MTHFD1L: variants seen among roughly 807,000 people sequenced by gnomAD.
MTHFD1L encodes methylenetetrahydrofolate dehydrogenase (NADP+ dependent) 1 like.
In MTHFD1L, 81 loss-of-function variants were observed where a neutral mutation model predicts 119.5. The ratio of observed to expected loss-of-function variants is 0.68; its 90% CI spans 0.57 to 0.82. The LOEUF (loss-of-function observed/expected upper bound fraction) is 0.82. Ranked by LOEUF, MTHFD1L falls within the 40% of genes least tolerant of loss-of-function variation. The pLI, the probability that MTHFD1L is intolerant of heterozygous loss-of-function variation, is 0.00. For missense variants in MTHFD1L, 1,125 were observed against 1,253.4 expected (o/e 0.90, Z 1.55); for synonymous variants, 430 against 475.2 (o/e 0.90, Z 1.24).
At chr6:151,051,928 T>C (rs1417776684) in intron 26 of MTHFD1L, among the ~76,000 whole-genome samples, 2 of 151,826 alleles carry the variant, frequency 1.3e-5, no homozygotes, top group African/African-American at 4.8e-5. Context: ...CCTGGAGAGG[T>C]CTGTGCGTGA....
chr6:150,956,058 G>A lies in MTHFD1L; in HGVS notation c.1790G>A (p.Gly597Asp), dbSNP rs1795595321. ...ITIGQGNTEK[G>D]HYRQAQFDIA... ...ATCGGGCAGGGAAACACAGAGAAGG[G>A]CCATTACCGGCAGGTAGGTGGTGCT... is the stretch of plus-strand genomic sequence containing the variant. The change falls in exon 17 of 28, where the codon GGC (glycine) becomes GAC (aspartate). Residue 597 changes from glycine (G) to aspartate (D), a missense_variant. Physicochemically the swap from Gly to Asp is moderately conservative, Grantham distance 94 (BLOSUM62 -1). This residue lies in a region of MTHFD1L where 1,058 missense variants were observed against 1,151.2 expected (regional missense o/e 0.92). Coordinates refer to ENST00000367321, the MANE Select transcript of MTHFD1L (RefSeq NM_015440.5). The A allele has an allele frequency of 2.5e-6, 4 of 1,613,978 alleles. No homozygotes were observed. Among genetic ancestry groups the A allele is most frequent in the Non-Finnish European group, 3.4e-6 (4 of 1,179,838 alleles).
intron 20 of MTHFD1L, among the ~76,000 whole-genome samples, chr6:150,986,572 C>T (rs1449768680): frequency 6.6e-6 from 1 of 152,188 alleles, no homozygotes; most frequent in Non-Finnish European, 1.5e-5. Context: ...ATTCACACTC[C>T]TATGAGAATC....
intron 16 of MTHFD1L, among the ~76,000 whole-genome samples, chr6:150,954,140 A>G (rs966878403): frequency 6.6e-6 from 1 of 152,240 alleles, no homozygotes; most frequent in Non-Finnish European, 1.5e-5. Context: ...TATGAAAGAA[A>G]AGGTTAACTT....
intron 26 of MTHFD1L, among the ~76,000 whole-genome samples, chr6:151,089,808 T>A (rs1794212690): frequency 6.6e-6 from 1 of 152,214 alleles, no homozygotes; most frequent in Non-Finnish European, 1.5e-5. Flanking sequence ...TTGTATGCAC[T>A]CACTGTAGTA....
intron 8 of MTHFD1L, among the ~76,000 whole-genome samples, chr6:150,909,574 G>T (rs111501085): frequency 5.3e-5 from 8 of 152,180 alleles, no homozygotes; most frequent in African/African-American, 1.9e-4. Context: ...AAAAAACTAC[G>T]CACTGCTCTT....
intron 16 of MTHFD1L, among the ~76,000 whole-genome samples, chr6:150,949,369 A>G (rs1438409835): frequency 2.0e-5 from 3 of 151,978 alleles, no homozygotes; most frequent in Non-Finnish European, 4.4e-5. Flanking sequence ...TGTGTCTTCT[A>G]AATTTCCAAG....
chr6:150,890,287 T>TTTTG (rs10690868), intron 7 of MTHFD1L, among the ~76,000 whole-genome samples: 89,856 of 151,214 alleles, frequency 0.59, 27,449 homozygotes, highest in African/African-American at 0.75. Context: ...GTGCAAAAAG[T>TTTTG]TTTGTTTGTT....
At chr6:151,043,060 C>T (rs951813999) in intron 26 of MTHFD1L, among the ~76,000 whole-genome samples, 1 of 152,072 alleles carries the variant, frequency 6.6e-6, no homozygotes, top group Non-Finnish European at 1.5e-5. Flanking sequence ...AAAGAAAGGC[C>T]ATAAGAGCTA....
rs74756601 is a variant in MTHFD1L at position 150,929,742 on chromosome 6, G to A, written c.1256+3447G>A. Among the ~76,000 whole-genome samples, 642 of 152,250 alleles carry A rather than the reference G, an allele frequency of 4.2e-3. 16 individuals carry two copies. In the East Asian group the frequency reaches 0.076, roughly 18 times the overall value. ...CTGCCATGTTGTAAATAGAAAAGAAGACTAAAGATGAATTTTCAAGAACAG... is the reference window on the plus strand; with the variant it reads ...CTGCCATGTTGTAAATAGAAAAGAAAACTAAAGATGAATTTTCAAGAACAG... On this transcript the variant is annotated intron_variant, in intron 11 of 27. Coordinates refer to ENST00000367321, the MANE Select transcript of MTHFD1L (RefSeq NM_015440.5).
chr6:150,889,836 T>G (rs1782930088), intron 7 of MTHFD1L, among the ~76,000 whole-genome samples: 1 of 152,164 alleles, frequency 6.6e-6, no homozygotes, highest in Non-Finnish European at 1.5e-5. Flanking sequence ...TTTGAGCTAC[T>G]CTTTGACCCA....
chr6:150,974,067 C>G (rs1776191169), intron 20 of MTHFD1L, among the ~76,000 whole-genome samples: 1 of 152,160 alleles, frequency 6.6e-6, no homozygotes, highest in African/African-American at 2.4e-5. Context: ...AGGATGAAAT[C>G]TGTCCGTTGC....
Position 151,028,645 on chromosome 6 carries a change from C to T in MTHFD1L, c.2587-5848C>T, listed in dbSNP as rs535416801. ...AAGTAGAATGGTGGTTGTCAGGGGC[C>T]AAGGGGAGGGGCATGGAAAGTTGCT... On this transcript the variant is annotated intron_variant, in intron 24 of 27. Coordinates refer to ENST00000367321, the MANE Select transcript of MTHFD1L (RefSeq NM_015440.5). Among the ~76,000 whole-genome samples, 51 of 152,164 alleles carry T rather than the reference C, an allele frequency of 3.4e-4. No individual in the cohort carries two copies. In the South Asian group the frequency reaches 0.01, roughly 31 times the overall value.
chr6:150,865,939 C>A lies in MTHFD1L; in HGVS notation c.117C>A (p.Gly39=). 2 of 1,215,744 alleles carry A rather than the reference C, an allele frequency of 1.6e-6. No individual in the cohort carries two copies. Among genetic ancestry groups the A allele is most frequent in the Non-Finnish European group, 2.0e-6 (2 of 981,188 alleles). 75.3% of individuals were successfully genotyped at this position (1,215,744 alleles called of 1,614,324 possible). The stretch of plus-strand genomic sequence containing the variant: ...CTAGCAGCGGCGGCGGCGGAGGCGG[C>A]GGCGGTGGCCGGGAGGGCCTGCTTG... ...CRASSGGGGG[G]GGGREGLLGQ... The change falls in exon 1 of 28, where the codon GGC becomes GGA. Residue 39 remains glycine, a synonymous_variant. Coordinates refer to ENST00000367321, the MANE Select transcript of MTHFD1L (RefSeq NM_015440.5).
chr6:150,948,992 C>G, intron 15 of MTHFD1L, 39 bp from the exon 16 acceptor site: 1 of 1,533,724 alleles, frequency 6.5e-7, no homozygotes, highest in Middle Eastern at 1.7e-4. Context: ...CTTTCTGTTT[C>G]TTCTCAAACT....
At chr6:151,081,484 C>A (rs1242203092) in intron 26 of MTHFD1L, among the ~76,000 whole-genome samples, 1 of 139,544 alleles carries the variant, frequency 7.2e-6, no homozygotes, top group Non-Finnish European at 1.5e-5. Context: ...GAAACGCTGC[C>A]TCTACTAAAA....
chr6:150,944,098 T>G (rs1286479662), intron 13 of MTHFD1L, among the ~76,000 whole-genome samples: 1 of 152,226 alleles, frequency 6.6e-6, no homozygotes, highest in Non-Finnish European at 1.5e-5. Flanking sequence ...TTGACCTTGA[T>G]TTTCTGATTT....
intron 11 of MTHFD1L, among the ~76,000 whole-genome samples, chr6:150,930,458 TA>T (rs1790846178): frequency 6.6e-6 from 1 of 152,166 alleles, no homozygotes; most frequent in Admixed American, 6.5e-5. Flanking sequence ...TTCCTTTTTC[TA>T]AAAGTCTTTT....
intron 20 of MTHFD1L, among the ~76,000 whole-genome samples, chr6:151,004,008 TA>T (rs397886081): frequency 0.13 from 15,822 of 125,972 alleles, 1,032 homozygotes; most frequent in Middle Eastern, 0.2. Context: ...TGCTTTTTTT[TA>T]AAAAAAAAAA....
chr6:151,097,658 G>A (rs1279466906), intron 27 of MTHFD1L, among the ~76,000 whole-genome samples: 2 of 152,178 alleles, frequency 1.3e-5, no homozygotes, highest in African/African-American at 2.4e-5. Context: ...ACAGTTAGAC[G>A]AAGAAATAAG....
Sources: gnomAD v4.1 joint callset for allele counts (sites outside exome capture counted in the v4.1 genomes callset) on GRCh38, gnomAD v4.1.1 for gene constraint, gnomAD v4.1.1 regional missense constraint, MANE v1.5 for transcripts, NCBI Gene and HGNC (gene_info 2026-07-23, HGNC 2026-07-21) for gene names.